GLCCI1: variants seen among roughly 807,000 people sequenced by gnomAD.
The protein encoded by GLCCI1 is glucocorticoid-induced transcript 1 protein.
Under a neutral mutation model 52.2 loss-of-function variants are expected in GLCCI1, and 24 were observed. That is an observed-to-expected ratio of 0.46 (90% confidence interval 0.33 to 0.65). The LOEUF (loss-of-function observed/expected upper bound fraction) is 0.65. Among genes scored for constraint, GLCCI1 ranks in the 30% least tolerant of loss-of-function variants. The probability of loss-of-function intolerance (pLI) is 0.02; values close to 1 mark genes in which losing one functional copy is unlikely to be tolerated. For missense variants in GLCCI1, 704 were observed against 701.5 expected, an observed-to-expected ratio of 1.00 and a Z score of -0.04; for synonymous variants, 310 against 276.5, an observed-to-expected ratio of 1.12 and a Z score of -1.20.
chr7:8,076,692 C>T (rs888566142), intron 6 of GLCCI1, among the ~76,000 whole-genome samples: 4 of 152,186 alleles, frequency 2.6e-5, no homozygotes, highest in African/African-American at 9.7e-5. Context: ...AAATTTTTAA[C>T]ATACCTGCAT....
At chr7:7,977,057 T>C (rs1022093330) in intron 1 of GLCCI1, among the ~76,000 whole-genome samples, 2 of 152,220 alleles carry the variant, frequency 1.3e-5, no homozygotes, top group African/African-American at 4.8e-5. Flanking sequence ...TAATAATTCC[T>C]TATTTATTCT....
chr7:7,986,873 C>G (rs1186225415), intron 1 of GLCCI1, among the ~76,000 whole-genome samples: 1 of 152,134 alleles, frequency 6.6e-6, no homozygotes, highest in Non-Finnish European at 1.5e-5. Context: ...TCATTTCTCC[C>G]ATCCTTCTGG....
intron 6 of GLCCI1, among the ~76,000 whole-genome samples, chr7:8,081,041 A>AT (rs1288066881): frequency 6.6e-6 from 1 of 152,158 alleles, no homozygotes; most frequent in Non-Finnish European, 1.5e-5. Context: ...TATTTTATAG[A>AT]TAAAAAAACA....
At chr7:7,981,794 C>G (rs190733317) in intron 1 of GLCCI1, 622 of 406,906 alleles carry the variant, frequency 1.5e-3, no homozygotes, top group Non-Finnish European at 2.5e-3. Context: ...GATAAACCAT[C>G]TAATTTGGTT....
intron 1 of GLCCI1, among the ~76,000 whole-genome samples, chr7:7,999,602 C>T (rs371858518): frequency 6.3e-4 from 95 of 151,630 alleles, no homozygotes; most frequent in Admixed American, 1.1e-3. Context: ...CAGAGCAATA[C>T]CCTGTGTCTA....
intron 1 of GLCCI1, among the ~76,000 whole-genome samples, chr7:7,997,176 A>G (rs926828854): frequency 6.6e-6 from 1 of 152,192 alleles, no homozygotes; most frequent in Non-Finnish European, 1.5e-5. Flanking sequence ...TCACCTTTCC[A>G]TATCTTGTAT....
At chr7:7,988,841 G>A (rs1780786323) in intron 1 of GLCCI1, among the ~76,000 whole-genome samples, 1 of 152,146 alleles carries the variant, frequency 6.6e-6, no homozygotes, top group Non-Finnish European at 1.5e-5. Context: ...CTTCTAGGCT[G>A]TAATTTCTGG....
chr7:7,994,063 G>A (rs1780895280), intron 1 of GLCCI1, among the ~76,000 whole-genome samples: 1 of 152,120 alleles, frequency 6.6e-6, no homozygotes, highest in Admixed American at 6.6e-5. Context: ...AGACCAGCAT[G>A]GCCAACATAG....
intron 1 of GLCCI1, among the ~76,000 whole-genome samples, chr7:7,991,597 G>A (rs905941846): frequency 3.3e-5 from 5 of 152,106 alleles, no homozygotes; most frequent in African/African-American, 4.8e-5. Flanking sequence ...GACATGTCCA[G>A]TAGTTGGTAA....
chr7:8,031,882 G>A (rs563797548), intron 3 of GLCCI1, among the ~76,000 whole-genome samples: 20 of 152,030 alleles, frequency 1.3e-4, no homozygotes, highest in African/African-American at 4.6e-4. Flanking sequence ...AAAGGTTAGT[G>A]CAAAAGGAAC....
Position 8,088,270 on chromosome 7 carries a change from GTATT to G in GLCCI1, c.*1733_*1736del, listed in dbSNP as rs1783162295. On this transcript the variant is annotated 3_prime_UTR_variant, in exon 8 of 8. Coordinates refer to ENST00000223145, the MANE Select transcript of GLCCI1 (RefSeq NM_138426.4). ...TGTGTGTGTGTGTGTGTGTGTGTGTGTATTCTGTGCATTATTTTGTCATGATCTC... is the reference window on the plus strand; with the variant it reads ...TGTGTGTGTGTGTGTGTGTGTGTGTGCTGTGCATTATTTTGTCATGATCTC... The G allele has an allele frequency of 7.2e-6, 1 of 138,928 alleles. No homozygotes were observed. The highest frequency in any genetic ancestry group is 2.7e-5 in the African/African-American group (1 of 37,216). 8.6% of individuals were successfully genotyped at this position (138,928 alleles called of 1,614,324 possible).
At chr7:8,060,856 C>T (rs1782499236) in intron 5 of GLCCI1, among the ~76,000 whole-genome samples, 1 of 152,158 alleles carries the variant, frequency 6.6e-6, no homozygotes, top group South Asian at 2.1e-4. Flanking sequence ...GAAATGCTAA[C>T]ATGGTAACTC....
intron 1 of GLCCI1, among the ~76,000 whole-genome samples, chr7:7,993,324 C>T (rs992797400): frequency 2.6e-5 from 4 of 152,270 alleles, no homozygotes; most frequent in East Asian, 1.9e-4. Flanking sequence ...TTCCTGACTC[C>T]GTTGTCCAAC....
At chr7:8,035,086 CT>C (rs1781836985) in intron 3 of GLCCI1, among the ~76,000 whole-genome samples, 2 of 152,170 alleles carry the variant, frequency 1.3e-5, no homozygotes, top group Admixed American at 1.3e-4. Context: ...CAGACATTCC[CT>C]GGCACTCACT....
intron 2 of GLCCI1, among the ~76,000 whole-genome samples, chr7:8,020,311 T>C (rs963944427): frequency 3.9e-5 from 6 of 152,318 alleles, no homozygotes; most frequent in South Asian, 2.1e-4. Flanking sequence ...CACTGTTAGG[T>C]ATACCATCCA....
chr7:8,085,755 C>T (rs1262993150), intron 7 of GLCCI1, among the ~76,000 whole-genome samples: 1 of 152,016 alleles, frequency 6.6e-6, no homozygotes, highest in African/African-American at 2.4e-5. Context: ...CCCACTCCAC[C>T]CCCCATCTGT....
chr7:7,981,244 T>G, intron 1 of GLCCI1: 1 of 246,464 alleles, frequency 4.1e-6, no homozygotes, highest in Non-Finnish European at 7.9e-6. Flanking sequence ...TGTTATTTCT[T>G]TCTTTCTTTC....
At chr7:8,073,522 A>T (rs1210976058) in intron 6 of GLCCI1, among the ~76,000 whole-genome samples, 1 of 152,136 alleles carries the variant, frequency 6.6e-6, no homozygotes, top group Admixed American at 6.5e-5. Flanking sequence ...TTTAATATGT[A>T]AAATGAGAAC....
At chr7:8,018,270 T>C (rs889110194) in intron 2 of GLCCI1, among the ~76,000 whole-genome samples, 1 of 152,282 alleles carries the variant, frequency 6.6e-6, no homozygotes, top group Non-Finnish European at 1.5e-5. Flanking sequence ...AATTTTGTTA[T>C]GTTTTTGTTG....
Sources: allele counts gnomAD v4.1 joint callset (sites outside exome capture counted in the v4.1 genomes callset), GRCh38; gene constraint gnomAD v4.1.1; transcripts MANE v1.5; gene names NCBI Gene and HGNC (gene_info 2026-07-23, HGNC 2026-07-21).